HMBOX1: variants seen among roughly 807,000 people sequenced by gnomAD.
The protein encoded by HMBOX1 is homeobox-containing protein 1.
A neutral mutation model predicts 54.5 loss-of-function variants in HMBOX1; 14 were observed. The ratio of observed to expected loss-of-function variants is 0.26; its 90% CI spans 0.17 to 0.40. The LOEUF (loss-of-function observed/expected upper bound fraction) is 0.40. HMBOX1 is among the 10% of genes least tolerant of loss of function. HMBOX1 has a pLI of 1.00. For missense variants in HMBOX1, 332 were observed against 514.4 expected, an observed-to-expected ratio of 0.65 and a Z score of 3.43; for synonymous variants, 160 against 181.0, an observed-to-expected ratio of 0.88 and a Z score of 0.93.
At chr8:29,022,008 C>A (rs1801261760) in intron 6 of HMBOX1, among the ~76,000 whole-genome samples, 1 of 152,136 alleles carries the variant, frequency 6.6e-6, no homozygotes. Flanking sequence ...GAGAAACAGA[C>A]ACTCTCATAC....
intron 1 of HMBOX1, among the ~76,000 whole-genome samples, chr8:28,961,630 A>G (rs560154163): frequency 1.3e-5 from 2 of 152,244 alleles, no homozygotes; most frequent in East Asian, 1.9e-4. Flanking sequence ...TTATTCCCAC[A>G]TTTGGCTTTT....
intron 1 of HMBOX1, among the ~76,000 whole-genome samples, chr8:28,920,374 A>G (rs1471751712): frequency 1.3e-5 from 2 of 152,154 alleles, no homozygotes; most frequent in Admixed American, 1.3e-4. Context: ...ATATTTGCTT[A>G]TAAATTAAAA....
intron 4 of HMBOX1, among the ~76,000 whole-genome samples, chr8:28,992,185 A>C (rs1831076058): frequency 6.6e-6 from 1 of 152,162 alleles, no homozygotes; most frequent in Non-Finnish European, 1.5e-5. Context: ...CTTATTATGT[A>C]ACTTTGGCCA....
At chr8:28,939,938 T>C (rs1255569895) in intron 1 of HMBOX1, among the ~76,000 whole-genome samples, 3 of 152,222 alleles carry the variant, frequency 2.0e-5, no homozygotes. Flanking sequence ...TAGTAGGTCT[T>C]TTACGCATGA....
chr8:29,031,318 G>C (rs1480998617), intron 6 of HMBOX1, among the ~76,000 whole-genome samples: 2 of 152,162 alleles, frequency 1.3e-5, no homozygotes, highest in African/African-American at 4.8e-5. Context: ...GGCTAAGTCA[G>C]TGATGATGAA....
At chr8:28,984,449 AG>A (rs1425648345) in intron 4 of HMBOX1, among the ~76,000 whole-genome samples, 1 of 152,348 alleles carries the variant, frequency 6.6e-6, no homozygotes, top group East Asian at 1.9e-4. Flanking sequence ...TTATAGATTC[AG>A]AGGATTTCTA....
At position 29,010,209 on chromosome 8, in the gene HMBOX1, G is replaced by A. The variant is rs1468799583; in HGVS notation, c.697+1027G>A. The A allele has an allele frequency of 4.5e-6, 4 of 889,266 alleles. No individual in the cohort carries two copies. The African/African-American group carries it at 5.4e-5, about 12-fold the overall frequency. 55.1% of individuals were successfully genotyped at this position (889,266 alleles called of 1,614,324 possible). A position where few individuals can be genotyped will look rare whatever the true frequency, so the allele number is the denominator to read the frequency against. ...TATTTTGAAATGTTTCAGATGTACA[G>A]AAAATTCAAAAGACTAACACAGTAG... On this transcript the variant is annotated intron_variant, in intron 5 of 9. Coordinates refer to ENST00000287701, the MANE Select transcript of HMBOX1 (RefSeq NM_001135726.3).
intron 1 of HMBOX1, among the ~76,000 whole-genome samples, chr8:28,922,690 T>C (rs1234803166): frequency 6.6e-6 from 1 of 152,210 alleles, no homozygotes; most frequent in Non-Finnish European, 1.5e-5. Flanking sequence ...GTTATTTTCT[T>C]AAATTATTCT....
Position 28,991,624 on chromosome 8 carries a change from T to C in HMBOX1, c.586+11468T>C, listed in dbSNP as rs139854493. Reference sequence around the variant, plus strand: ...CTTAGAAACTTTCTTAATGTGATCTTTCATTTAATGTTCTGTGTCATTTTA... The same window carrying C: ...CTTAGAAACTTTCTTAATGTGATCTCTCATTTAATGTTCTGTGTCATTTTA... On this transcript the variant is annotated intron_variant, in intron 4 of 9. Coordinates refer to ENST00000287701, the MANE Select transcript of HMBOX1 (RefSeq NM_001135726.3). 4.9e-3 allele frequency among the ~76,000 whole-genome samples: 741 copies of C among 152,340 alleles called. 2 individuals carry two copies. The highest frequency in any genetic ancestry group is 0.017 in the African/African-American group (708 of 41,566).
intron 1 of HMBOX1, among the ~76,000 whole-genome samples, chr8:28,907,759 G>A (rs1404825219): frequency 1.3e-5 from 2 of 151,926 alleles, no homozygotes; most frequent in Non-Finnish European, 1.5e-5. Context: ...TGTATCCTTG[G>A]TTATTATATT....
At chr8:28,949,381 G>A (rs926760410) in intron 1 of HMBOX1, among the ~76,000 whole-genome samples, 3 of 152,202 alleles carry the variant, frequency 2.0e-5, no homozygotes, top group Non-Finnish European at 2.9e-5. Context: ...ATCAGTGACA[G>A]GGTAGGGTGG....
chr8:29,045,579 C>A, intron 7 of HMBOX1, 136 bp downstream of exon 7: 1 of 680,262 alleles, frequency 1.5e-6, no homozygotes, highest in East Asian at 2.6e-5. Context: ...CCGCAGGTGG[C>A]CAGTGCCCTG....
rs565038195 is a variant in HMBOX1, at chr8:29,042,451, G to A, written c.852-2910G>A. Among the ~76,000 whole-genome samples, 52 of 152,298 alleles carry A rather than the reference G, an allele frequency of 3.4e-4. No individual in the cohort carries two copies. In the Middle Eastern group the frequency reaches 0.031, roughly 90 times the overall value. On this transcript the variant is annotated intron_variant, in intron 6 of 9. Transcript: ENST00000287701. ...AGGTCATCTGCAAAAAGTGACAGTG[G>A]TCAGTTTGAGGGCTTGGGGTAAGAG... is the stretch of plus-strand genomic sequence containing the variant.
chr8:28,970,981 G>GACACACACACAC lies in HMBOX1; in HGVS notation c.500+500_500+511dup, dbSNP rs10554708. On this transcript the variant is annotated intron_variant, in intron 3 of 9. Coordinates refer to ENST00000287701, the MANE Select transcript of HMBOX1 (RefSeq NM_001135726.3). The surrounding 1 kb of genome is among the most constrained non-coding windows in gnomAD (Gnocchi z 4.3). ...ATAGGTTCTAATTTTAGCAATAGATGACACACACACACACACACACACACA... is the reference window on the plus strand; with the variant it reads ...ATAGGTTCTAATTTTAGCAATAGATGACACACACACACACACACACACACACACACACACACA... 1.5e-5 allele frequency among the ~76,000 whole-genome samples: 2 copies of GACACACACACAC among 132,044 alleles called. No individual in the cohort carries two copies. The highest frequency in any genetic ancestry group is 2.3e-4 in the East Asian group (1 of 4,442). 86.6% of individuals were successfully genotyped at this position (132,044 alleles called of 152,430 possible).
intron 1 of HMBOX1, among the ~76,000 whole-genome samples, chr8:28,896,807 G>T (rs1812198943): frequency 6.6e-6 from 1 of 152,142 alleles, no homozygotes; most frequent in South Asian, 2.1e-4. Flanking sequence ...TTGCCTAATG[G>T]TGCGTTTCTC....
chr8:28,952,917 A>ATAACAAAGAGTATTTGAATCT (rs1468435329), intron 1 of HMBOX1, among the ~76,000 whole-genome samples: 2 of 152,232 alleles, frequency 1.3e-5, no homozygotes, highest in Admixed American at 1.3e-4. Flanking sequence ...CAGAGAAATG[A>ATAACAAAGAGTATTTGAATCT]TAACAAAGAG....
intron 4 of HMBOX1, among the ~76,000 whole-genome samples, chr8:28,998,445 A>T (rs142340825): frequency 6.6e-6 from 1 of 152,212 alleles, no homozygotes; most frequent in Non-Finnish European, 1.5e-5. Flanking sequence ...ATTTTGTCTT[A>T]CATTAATATT....
rs71222586 is a variant in HMBOX1 at position 29,003,555 on chromosome 8, AATATAT to A, written c.587-5500_587-5495del. ...TTCTGTATTAAATTTTTCTGTATTAAATATATATATATATATATATATGAATGCATA... is the reference window on the plus strand; with the variant it reads ...TTCTGTATTAAATTTTTCTGTATTAAATATATATATATATATGAATGCATA... On this transcript the variant is annotated intron_variant, in intron 4 of 9. Coordinates refer to ENST00000287701, the MANE Select transcript of HMBOX1 (RefSeq NM_001135726.3). 7.6e-4 allele frequency among the ~76,000 whole-genome samples: 54 copies of A among 71,316 alleles called. 3 individuals carry two copies. The South Asian group carries it at 0.016, about 21-fold the overall frequency. The allele number at this position is 71,316 out of a possible 152,430, so 46.8% of individuals were successfully genotyped here.
chr8:28,982,745 C>T (rs930570414), intron 4 of HMBOX1, among the ~76,000 whole-genome samples: 2 of 152,156 alleles, frequency 1.3e-5, no homozygotes, highest in Non-Finnish European at 2.9e-5. Context: ...CCTGCCTCAG[C>T]CTCCCAAGTA....
Sources: gnomAD v4.1 joint callset for allele counts (sites outside exome capture counted in the v4.1 genomes callset) on GRCh38, gnomAD v4.1.1 for gene constraint, Gnocchi (gnomAD v3.1) non-coding constraint, MANE v1.5 for transcripts, NCBI Gene and HGNC (gene_info 2026-07-23, HGNC 2026-07-21) for gene names.